Variants in EDDM3A observed in about 807,000 individuals in gnomAD.
EDDM3A encodes epididymal secretory protein E3-alpha.
For synonymous variants in EDDM3A, 75 were observed against 60.4 expected (o/e 1.24, Z -1.12); for missense variants, 199 against 177.4 (o/e 1.12, Z -0.69).
At chr14:20,745,440 G>T (rs945891499), upstream of EDDM3A, among the ~76,000 whole-genome samples, 8 of 151,714 alleles carry the variant, frequency 5.3e-5, no homozygotes, top group African/African-American at 1.9e-4. Flanking sequence ...GCAAGAGAAT[G>T]GGGTGAACCC....
chr14:20,737,412 A>C, the EDDM3A span, among the ~76,000 whole-genome samples: 1 of 152,136 alleles, frequency 6.6e-6, no homozygotes, highest in East Asian at 1.9e-4. Context: ...GTACATGCCA[A>C]GGATTTCTAA....
At position 20,747,674 on chromosome 14, in the gene EDDM3A, G is replaced by T. The variant is rs116985083; in HGVS notation, c.94G>T (p.Glu32Ter). 2.8e-5 allele frequency: 46 copies of T among 1,614,066 alleles called. No homozygotes were observed. Among genetic ancestry groups the T allele is most frequent in the African/African-American group, 6.7e-5 (5 of 75,020 alleles). Reference protein sequence around the residue: ...CVYSNNIYWREFIKLHYLSPS... With the variant: ...CVYSNNIYWR ...ATACAGTAACAACATTTACTGGAGA[G>T]AATTCATAAAACTTCATTACTTAAG... is the stretch of plus-strand genomic sequence containing the variant. Residue 32 changes from glutamate to a stop codon, truncating the protein, a stop_gained, in exon 2 of 2, where the codon GAA becomes TAA. Transcript: ENST00000326842. LOFTEE classifies it low-confidence loss of function (END_TRUNC).
At chr14:20,742,225 G>A (rs1011689426), upstream of EDDM3A, among the ~76,000 whole-genome samples, 9 of 152,160 alleles carry the variant, frequency 5.9e-5, no homozygotes, top group Non-Finnish European at 1.2e-4. Flanking sequence ...TGGGCAGATG[G>A]GAAACCAGAT....
rs552476986 is a variant in EDDM3A, at chr14:20,747,343, C to A, written c.-26-212C>A. Among the ~76,000 whole-genome samples the A allele has an allele frequency of 1.0e-3, 152 of 152,218 alleles. 1 individual carries two copies. The highest frequency in any genetic ancestry group is 3.5e-3 in the African/African-American group (147 of 41,542). ...AACTCCTGACCTCAGGTGATACACC[C>A]ACCTTGGCCTCCCAAACTGCTGGGA... On this transcript the variant is annotated intron_variant, in intron 1 of 1. Coordinates refer to ENST00000326842, the MANE Select transcript of EDDM3A (RefSeq NM_006683.5).
At chr14:20,742,805 C>A (rs1381440804), upstream of EDDM3A, among the ~76,000 whole-genome samples, 2 of 151,882 alleles carry the variant, frequency 1.3e-5, no homozygotes, top group Non-Finnish European at 2.9e-5. Context: ...TTATGTTGAC[C>A]AGGCTGGTTT....
In EDDM3A at chr14:20,747,945, A is replaced by G. The variant is rs762408038; in HGVS notation, c.365A>G (p.Tyr122Cys). The change falls in exon 2 of 2, where the codon TAC (tyrosine) becomes TGC (cysteine). Residue 122 changes from tyrosine (Y) to cysteine (C), a missense_variant. By Grantham distance (194) the Tyr-to-Cys change is radical. Coordinates refer to ENST00000326842, the MANE Select transcript of EDDM3A (RefSeq NM_006683.5). ...NRYTESRSFS[Y>C]IEFHCGVDGY... ...TACACAGAGAGCAGAAGCTTCAGCT[A>G]CATTGAATTCCATTGTGGCGTAGAT... The G allele has an allele frequency of 6.2e-7, 1 of 1,614,158 alleles. No individual in the cohort carries two copies. Among genetic ancestry groups the G allele is most frequent in the Non-Finnish European group, 8.5e-7 (1 of 1,180,024 alleles).
the EDDM3A span, among the ~76,000 whole-genome samples, chr14:20,740,224 C>G: frequency 6.6e-6 from 1 of 152,206 alleles, no homozygotes; most frequent in East Asian, 1.9e-4. Flanking sequence ...AGTATGTTGA[C>G]TTGCTGGGCA....
chr14:20,739,290 G>A, the EDDM3A span, among the ~76,000 whole-genome samples: 1 of 152,202 alleles, frequency 6.6e-6, no homozygotes, highest in South Asian at 2.1e-4. Flanking sequence ...GGAATGTGAA[G>A]CTGATACAGA....
chr14:20,743,469 G>C (rs921101253), upstream of EDDM3A, among the ~76,000 whole-genome samples: 1 of 150,012 alleles, frequency 6.7e-6, no homozygotes, highest in African/African-American at 2.5e-5. Flanking sequence ...AGAATCACTT[G>C]AACCCAGGAG....
At chr14:20,747,495 A>T in intron 1 of EDDM3A, 60 bp from the exon 2 acceptor site, 2 of 1,078,792 alleles carry the variant, frequency 1.9e-6, no homozygotes, top group Non-Finnish European at 1.3e-6. Flanking sequence ...AGGAATTTTA[A>T]GGTGGAGCTC....
At chr14:20,743,562 G>T (rs1332988099), upstream of EDDM3A, among the ~76,000 whole-genome samples, 2 of 151,758 alleles carry the variant, frequency 1.3e-5, no homozygotes, top group African/African-American at 4.8e-5. Flanking sequence ...AATAATAAAA[G>T]GACATATCAA....
upstream of EDDM3A, among the ~76,000 whole-genome samples, chr14:20,742,383 C>A (rs1877460343): frequency 6.6e-6 from 1 of 152,182 alleles, no homozygotes; most frequent in African/African-American, 2.4e-5. Context: ...CTCAACAGAC[C>A]TTGCTGGTCC....
intron 1 of EDDM3A, among the ~76,000 whole-genome samples, chr14:20,747,004 G>A (rs191953993): frequency 1.9e-4 from 29 of 151,724 alleles, no homozygotes; most frequent in Non-Finnish European, 8.8e-5. Flanking sequence ...GTAGACAGGA[G>A]ATATTTGAAA....
chr14:20,747,856 A>G lies in EDDM3A; in HGVS notation c.276A>G (p.Ala92=), dbSNP rs764795434. 6.2e-6 allele frequency: 10 copies of G among 1,614,180 alleles called. No individual in the cohort carries two copies. The East Asian group carries it at 6.7e-5, about 11-fold the overall frequency. ...NEKGSDRYRN[A]YVWAPGALKV... ...AGGGGAGCGACCGATATAGAAATGC[A>G]TATGTATGGGCCCCAGGTGCCCTCA... is the stretch of plus-strand genomic sequence containing the variant. The change falls in exon 2 of 2, where the codon GCA becomes GCG. Residue 92 remains alanine, a synonymous_variant. Coordinates refer to ENST00000326842, the MANE Select transcript of EDDM3A (RefSeq NM_006683.5).
Position 20,747,592 on chromosome 14 carries a change from T to C in EDDM3A, c.12T>C (p.Ser4=), listed in dbSNP as rs765699364. The C allele has an allele frequency of 3.1e-6, 5 of 1,603,324 alleles. No individual in the cohort carries two copies. In the Admixed American group the frequency reaches 8.6e-5, roughly 27 times the overall value. ...ACGTGGTGACTGAGATGACATCCTC[T>C]CTAAAGATTTGGGGCATACTCTTGG... is the stretch of plus-strand genomic sequence containing the variant. MTS[S]LKIWGILLAL... is the part of the protein sequence containing the mutation. The change falls in exon 2 of 2, where the codon TCT becomes TCC. Residue 4 remains serine, a synonymous_variant. Coordinates refer to ENST00000326842, the MANE Select transcript of EDDM3A (RefSeq NM_006683.5).
At chr14:20,745,614 T>C (rs914000923), upstream of EDDM3A, among the ~76,000 whole-genome samples, 8 of 152,114 alleles carry the variant, frequency 5.3e-5, no homozygotes, top group Non-Finnish European at 7.4e-5. Context: ...TTTGTTAGAA[T>C]TGAGAGCAGA....
upstream of EDDM3A, among the ~76,000 whole-genome samples, chr14:20,743,506 T>C (rs76020633): frequency 2.7e-4 from 39 of 145,276 alleles, no homozygotes; most frequent in East Asian, 6.0e-3. Flanking sequence ...GCTGAGATCA[T>C]GCCTGGACGA....
chr14:20,744,394 C>A (rs1417082645), upstream of EDDM3A, among the ~76,000 whole-genome samples: 4 of 152,182 alleles, frequency 2.6e-5, no homozygotes, highest in Non-Finnish European at 5.9e-5. Flanking sequence ...AGAAAATCAA[C>A]TAAGGTGGTT....
the EDDM3A span, among the ~76,000 whole-genome samples, chr14:20,739,323 C>A: frequency 3.2e-4 from 49 of 152,304 alleles, no homozygotes; most frequent in Admixed American, 1.9e-3. Flanking sequence ...TGCAGCTACC[C>A]AAATCAGGGA....
Sources: gnomAD v4.1 joint callset for allele counts (sites outside exome capture counted in the v4.1 genomes callset) on GRCh38, gnomAD v4.1.1 for gene constraint, MANE v1.5 for transcripts, NCBI Gene and HGNC (gene_info 2026-07-23, HGNC 2026-07-21) for gene names.